Variants in MYZAP observed in about 807,000 individuals in gnomAD.
The protein encoded by MYZAP is GRINL1A complex locus upstream.
MYZAP carries 66 observed loss-of-function variants against 69.4 expected under a neutral mutation model. The ratio of observed to expected loss-of-function variants is 0.95; its 90% CI spans 0.78 to 1.17. The LOEUF (loss-of-function observed/expected upper bound fraction) is 1.17. Among genes scored for constraint, MYZAP ranks in the 50% most tolerant of loss-of-function variants. The pLI, the probability that MYZAP is intolerant of heterozygous loss-of-function variation, is 0.00. For missense variants in MYZAP, 611 were observed against 556.2 expected, an observed-to-expected ratio of 1.10 and a Z score of -0.99; for synonymous variants, 256 against 205.9, an observed-to-expected ratio of 1.24 and a Z score of -2.09.
chr15:57,639,883 G>A (rs2733596), intron 10 of MYZAP, among the ~76,000 whole-genome samples: 2 of 152,082 alleles, frequency 1.3e-5, no homozygotes, highest in Non-Finnish European at 2.9e-5. Context: ...GGTGAATTTA[G>A]CCCAGGTCCC....
chr15:57,650,137 C>A (rs948260104), intron 10 of MYZAP, among the ~76,000 whole-genome samples: 3 of 152,176 alleles, frequency 2.0e-5, no homozygotes, highest in African/African-American at 7.2e-5. Context: ...AAGCTTGTTT[C>A]TCTAATAGCA....
At chr15:57,675,144 C>A in intron 12 of MYZAP, 76 bp downstream of exon 12, 1 of 1,301,090 alleles carries the variant, frequency 7.7e-7, no homozygotes. Flanking sequence ...CTAGGCTGTT[C>A]TTAGCAGAAT....
In MYZAP at chr15:57,633,693, A is replaced by C; in HGVS notation, c.885A>C (p.Lys295Asn). 1 of 1,613,154 alleles carries C rather than the reference A, an allele frequency of 6.2e-7. No individual in the cohort carries two copies. Among genetic ancestry groups the C allele is most frequent in the Middle Eastern group, 1.7e-4 (1 of 6,060 alleles). ...MQAAEISLEE[K>N]DQRIGELDRL... The stretch of plus-strand genomic sequence containing the variant: ...CAGCAGAGATCAGCCTAGAGGAGAA[A>C]GACCAGAGGATCGGGGAGCTGGACA... Residue 295 changes from lysine to asparagine, a missense_variant, in exon 8 of 13, where the codon AAA (lysine) becomes AAC (asparagine). Physicochemically the swap from Lys to Asn is moderately conservative, Grantham distance 94. Coordinates refer to ENST00000267853, the MANE Select transcript of MYZAP (RefSeq NM_001018100.5).
chr15:57,646,960 A>G (rs1247612668), intron 10 of MYZAP: 2 of 985,324 alleles, frequency 2.0e-6, no homozygotes, highest in African/African-American at 3.5e-5. Flanking sequence ...TTATCAGAAC[A>G]TGGCAGTTTT....
rs183550542 is a variant in MYZAP at position 57,667,717 on chromosome 15, C to T, written c.1203+6184C>T. On this transcript the variant is annotated intron_variant, in intron 11 of 12. Transcript: ENST00000267853. ...GGCTCTCATCATCTTTTATTTTTTA[C>T]CTTATCAACTTAGTTATTTATTAAC... 5.9e-5 allele frequency among the ~76,000 whole-genome samples: 9 copies of T among 152,250 alleles called. No individual in the cohort carries two copies. The East Asian group carries it at 1.7e-3, about 29-fold the overall frequency.
chr15:57,668,649 G>A (rs985193193), intron 11 of MYZAP, among the ~76,000 whole-genome samples: 6 of 151,812 alleles, frequency 4.0e-5, no homozygotes, highest in East Asian at 1.9e-4. Flanking sequence ...TCTTCTTTTC[G>A]AGAATCTTTT....
At chr15:57,639,597 A>G in intron 10 of MYZAP, 52 bp downstream of exon 10, 1 of 1,572,730 alleles carries the variant, frequency 6.4e-7, no homozygotes, top group Non-Finnish European at 8.7e-7. Context: ...GTGGTGGGGA[A>G]GCATCCCCAG....
intron 6 of MYZAP, 84 bp downstream of exon 6, chr15:57,629,938 C>G: frequency 6.8e-7 from 1 of 1,475,622 alleles, no homozygotes; most frequent in Non-Finnish European, 9.0e-7. Flanking sequence ...TTCAACCTTT[C>G]CATTTCCTTT....
chr15:57,606,619 C>T (rs1382238958), intron 2 of MYZAP, among the ~76,000 whole-genome samples: 5 of 151,546 alleles, frequency 3.3e-5, no homozygotes, highest in Non-Finnish European at 7.4e-5. Context: ...AGGAGATATA[C>T]CTAATGCTAA....
intron 10 of MYZAP, among the ~76,000 whole-genome samples, chr15:57,640,605 CTATT>C (rs1169151777): frequency 1.3e-5 from 2 of 151,994 alleles, no homozygotes; most frequent in African/African-American, 4.8e-5. Flanking sequence ...TAAAATATAT[CTATT>C]TTATTAATCT....
chr15:57,667,731 T>TTA (rs1311679468), intron 11 of MYZAP, among the ~76,000 whole-genome samples: 1 of 152,224 alleles, frequency 6.6e-6, no homozygotes, highest in Non-Finnish European at 1.5e-5. Flanking sequence ...ATCAACTTAG[T>TTA]TATTTATTAA....
At chr15:57,648,939 GTA>G (rs555716087) in intron 10 of MYZAP, among the ~76,000 whole-genome samples, 1 of 149,202 alleles carries the variant, frequency 6.7e-6, no homozygotes, top group Admixed American at 6.7e-5. Context: ...ATTTTACTGT[GTA>G]TATATATATA....
chr15:57,603,560 CTCATCTAAGTAGAA>C (rs1476798270), intron 1 of MYZAP, among the ~76,000 whole-genome samples: 1 of 152,202 alleles, frequency 6.6e-6, no homozygotes, highest in Non-Finnish European at 1.5e-5. Flanking sequence ...CTCCTGGTAC[CTCATCTAAGTAGAA>C]TCATACAGTA....
chr15:57,602,134 T>TA (rs1567199568), intron 1 of MYZAP, among the ~76,000 whole-genome samples: 1 of 152,082 alleles, frequency 6.6e-6, no homozygotes, highest in Non-Finnish European at 1.5e-5. Flanking sequence ...GTGGTTTTGC[T>TA]AAGAGGCCAC....
At chr15:57,608,010 G>T (rs1393582530) in intron 2 of MYZAP, among the ~76,000 whole-genome samples, 3 of 152,218 alleles carry the variant, frequency 2.0e-5, no homozygotes, top group African/African-American at 7.2e-5. Flanking sequence ...ACCCTCCCTG[G>T]TCACGTAACT....
chr15:57,626,649 T>C (rs371119897), intron 5 of MYZAP, among the ~76,000 whole-genome samples: 1 of 152,370 alleles, frequency 6.6e-6, no homozygotes. Context: ...CTCCTCCAAA[T>C]TTATTTGGCT....
chr15:57,594,396 A>C (rs2033922032), intron 1 of MYZAP, among the ~76,000 whole-genome samples: 1 of 152,242 alleles, frequency 6.6e-6, no homozygotes, highest in Admixed American at 6.5e-5. Context: ...GATTATAGGC[A>C]TGAGCCACCC....
intron 11 of MYZAP, among the ~76,000 whole-genome samples, chr15:57,662,885 A>G (rs1275999434): frequency 6.6e-6 from 1 of 152,200 alleles, no homozygotes; most frequent in Non-Finnish European, 1.5e-5. Flanking sequence ...GAAGTCCCTC[A>G]TGGCCCATAG....
intron 10 of MYZAP, among the ~76,000 whole-genome samples, chr15:57,642,715 C>A (rs2037230698): frequency 6.6e-6 from 1 of 152,128 alleles, no homozygotes; most frequent in African/African-American, 2.4e-5. Flanking sequence ...CCTTGGGAAT[C>A]CTTAAATGTT....
Sources: allele counts gnomAD v4.1 joint callset (sites outside exome capture counted in the v4.1 genomes callset), GRCh38; gene constraint gnomAD v4.1.1; transcripts MANE v1.5; gene names NCBI Gene and HGNC (gene_info 2026-07-23, HGNC 2026-07-21).